CREB3L2: variants seen among roughly 807,000 people sequenced by gnomAD.
CREB3L2 encodes cAMP responsive element binding protein 3 like 2, also known as cyclic AMP-responsive element-binding protein 3-like protein 2.
CREB3L2 carries 23 observed loss-of-function variants against 57.2 expected under a neutral mutation model. The ratio of observed to expected loss-of-function variants is 0.40; its 90% CI spans 0.29 to 0.57. The LOEUF is 0.57. CREB3L2 is among the 20% of genes least tolerant of loss of function. The pLI is 0.42. For missense variants in CREB3L2, 628 were observed against 634.7 expected, an observed-to-expected ratio of 0.99 and a Z score of 0.11; for synonymous variants, 268 against 265.1, an observed-to-expected ratio of 1.01 and a Z score of -0.11.
chr7:137,894,525 G>A (rs1170124507), intron 8 of CREB3L2, among the ~76,000 whole-genome samples: 1 of 152,146 alleles, frequency 6.6e-6, no homozygotes, highest in Non-Finnish European at 1.5e-5. Flanking sequence ...GGCTTCAGGG[G>A]TGCCCACTGG....
At chr7:137,917,073 A>T (rs1800154220) in intron 2 of CREB3L2, among the ~76,000 whole-genome samples, 1 of 152,130 alleles carries the variant, frequency 6.6e-6, no homozygotes, top group Non-Finnish European at 1.5e-5. Flanking sequence ...GGTTTGTAAT[A>T]ACCATCTGCC....
chr7:137,954,109 A>G (rs1342706264), intron 1 of CREB3L2, among the ~76,000 whole-genome samples: 5 of 152,222 alleles, frequency 3.3e-5, no homozygotes, highest in African/African-American at 1.2e-4. Flanking sequence ...AAACATAAGT[A>G]GAGTCCTGCC....
intron 8 of CREB3L2, among the ~76,000 whole-genome samples, chr7:137,892,799 A>C (rs1041549384): frequency 1.2e-4 from 18 of 152,122 alleles, no homozygotes; most frequent in Admixed American, 7.2e-4. Flanking sequence ...TGAGGTGAGA[A>C]GGGGGTGTCC....
chr7:137,880,017 A>C lies in CREB3L2; in HGVS notation c.*459T>G, dbSNP rs1279071239. On this transcript the variant is annotated 3_prime_UTR_variant, in exon 12 of 12. Coordinates refer to ENST00000330387, the MANE Select transcript of CREB3L2 (RefSeq NM_194071.4). The surrounding 1 kb of genome is among the most constrained non-coding windows in gnomAD (Gnocchi z 4.0). ...CGGGGGTGTTCACACCAGAGACCCCAGTGCGAGCAACGGAGGACACGGGTC... is the reference window on the plus strand; with the variant it reads ...CGGGGGTGTTCACACCAGAGACCCCCGTGCGAGCAACGGAGGACACGGGTC... 2.0e-5 allele frequency: 5 copies of C among 251,906 alleles called. No individual in the cohort carries two copies. In the East Asian group the frequency reaches 2.9e-4, roughly 15 times the overall value. The allele number at this position is 251,906 out of a possible 1,614,324, so 15.6% of individuals were successfully genotyped here. A position where few individuals can be genotyped will look rare whatever the true frequency, so the allele number is the denominator to read the frequency against.
At chr7:137,884,838 C>G in intron 10 of CREB3L2, 157 bp downstream of exon 10, 1 of 1,037,674 alleles carries the variant, frequency 9.6e-7, no homozygotes, top group Non-Finnish European at 1.5e-6. Flanking sequence ...TGAGGGGCCC[C>G]AGGGGAACCC....
At chr7:137,922,921 G>C (rs2117231880) in intron 2 of CREB3L2, among the ~76,000 whole-genome samples, 1 of 152,066 alleles carries the variant, frequency 6.6e-6, no homozygotes, top group East Asian at 1.9e-4. Context: ...AAATATAATG[G>C]CTAGGCTCTG....
At chr7:137,968,282 A>G (rs1801442907) in intron 1 of CREB3L2, among the ~76,000 whole-genome samples, 1 of 151,686 alleles carries the variant, frequency 6.6e-6, no homozygotes, top group Non-Finnish European at 1.5e-5. Context: ...ACATAGGTAT[A>G]CATGTGCCAT....
intron 1 of CREB3L2, among the ~76,000 whole-genome samples, chr7:137,940,114 G>GT (rs1298821481): frequency 6.6e-6 from 1 of 152,098 alleles, no homozygotes; most frequent in African/African-American, 2.4e-5. Context: ...AATTTGGAGG[G>GT]TTTTTTGGTC....
chr7:137,948,078 G>A (rs1195032609), intron 1 of CREB3L2, among the ~76,000 whole-genome samples: 1 of 152,146 alleles, frequency 6.6e-6, no homozygotes, highest in East Asian at 1.9e-4. Context: ...TTCCTCACCT[G>A]GATCTAATAT....
At chr7:137,922,071 AACAT>A (rs1345806404) in intron 2 of CREB3L2, among the ~76,000 whole-genome samples, 1 of 151,880 alleles carries the variant, frequency 6.6e-6, no homozygotes, top group Non-Finnish European at 1.5e-5. Flanking sequence ...CACCCAGCTC[AACAT>A]ACATCTTATC....
At chr7:137,983,456 C>A (rs1450672633) in intron 1 of CREB3L2, among the ~76,000 whole-genome samples, 1 of 152,216 alleles carries the variant, frequency 6.6e-6, no homozygotes, top group Non-Finnish European at 1.5e-5. Context: ...TAACTTAATA[C>A]TCCCTCTGCA....
rs142115067 is a variant in CREB3L2 at position 137,937,384 on chromosome 7, G to A, written c.103-9018C>T. On this transcript the variant is annotated intron_variant, in intron 1 of 11. Coordinates refer to ENST00000330387, the MANE Select transcript of CREB3L2 (RefSeq NM_194071.4). ...CAGGGAGGAGCTGCCCTGGGCTCCT[G>A]GCATCCCCTAGGCCACCCTCCCTCC... Among the ~76,000 whole-genome samples, 3 of 152,286 alleles carry A rather than the reference G, an allele frequency of 2.0e-5. No homozygotes were observed. The East Asian group carries it at 5.8e-4, about 29-fold the overall frequency.
At chr7:137,972,684 C>CAAAAAA (rs58627909) in intron 1 of CREB3L2, among the ~76,000 whole-genome samples, 156 of 9,538 alleles carry the variant, frequency 0.016, 20 homozygotes, top group Non-Finnish European at 0.026. Context: ...CCCGTCTCTA[C>CAAAAAA]AAAAAAAAAA....
chr7:137,907,742 T>TATC lies in CREB3L2; in HGVS notation c.768+509_768+510insGAT, dbSNP rs1295040956. Among the ~76,000 whole-genome samples, 6 of 152,350 alleles carry TATC rather than the reference T, an allele frequency of 3.9e-5. No individual in the cohort carries two copies. In the South Asian group the frequency reaches 1.2e-3, roughly 32 times the overall value. ...GTATGGGAGGGATGAACGAGGGGTC[T>TATC]TGATGTCTGATCTGAGTTTCTGGGT... On this transcript the variant is annotated intron_variant, in intron 5 of 11. Coordinates refer to ENST00000330387, the MANE Select transcript of CREB3L2 (RefSeq NM_194071.4).
chr7:137,990,313 C>A (rs1168500137), intron 1 of CREB3L2, among the ~76,000 whole-genome samples: 3 of 152,236 alleles, frequency 2.0e-5, no homozygotes, highest in Admixed American at 6.5e-5. Context: ...GCAAATATCA[C>A]TTGCTCCTCC....
intron 1 of CREB3L2, among the ~76,000 whole-genome samples, chr7:137,997,147 C>G (rs1802000494): frequency 6.6e-6 from 1 of 152,150 alleles, no homozygotes; most frequent in Non-Finnish European, 1.5e-5. Flanking sequence ...TACTGAAGCT[C>G]CCTTTTTCCC....
Position 137,945,173 on chromosome 7 carries a change from G to C in CREB3L2, c.103-16807C>G, listed in dbSNP as rs530831684. 2.0e-5 allele frequency among the ~76,000 whole-genome samples: 3 copies of C among 152,368 alleles called. No homozygotes were observed. In the East Asian group the frequency reaches 5.8e-4, roughly 29 times the overall value. The stretch of plus-strand genomic sequence containing the variant: ...GCTTCCCAAAGTGCTGGGATTACAG[G>C]CGTGAGCCACCACGCCCAGCCAAAT... On this transcript the variant is annotated intron_variant, in intron 1 of 11. Coordinates refer to ENST00000330387, the MANE Select transcript of CREB3L2 (RefSeq NM_194071.4).
intron 1 of CREB3L2, among the ~76,000 whole-genome samples, chr7:137,981,394 A>T (rs1057506178): frequency 6.6e-6 from 1 of 152,258 alleles, no homozygotes; most frequent in Non-Finnish European, 1.5e-5. Flanking sequence ...AAGTTTTAAA[A>T]AGGACTGAAG....
chr7:137,946,309 T>G (rs1218497497), intron 1 of CREB3L2, among the ~76,000 whole-genome samples: 1 of 151,994 alleles, frequency 6.6e-6, no homozygotes, highest in African/African-American at 2.4e-5. Flanking sequence ...AAACGGAGAT[T>G]ATCCTGAGCG....
Sources: gnomAD v4.1 joint callset for allele counts (sites outside exome capture counted in the v4.1 genomes callset) on GRCh38, gnomAD v4.1.1 for gene constraint, Gnocchi (gnomAD v3.1) non-coding constraint, MANE v1.5 for transcripts, NCBI Gene and HGNC (gene_info 2026-07-23, HGNC 2026-07-21) for gene names.